Variants in PRPF31 observed in about 807,000 individuals in gnomAD.
PRPF31 encodes the protein U4/U6 small nuclear ribonucleoprotein Prp31.
In PRPF31, 12 loss-of-function variants were observed where a neutral mutation model predicts 60.4. That is an observed-to-expected ratio of 0.20 (90% CI 0.13 to 0.32). PRPF31 has a LOEUF of 0.32. Ranked by LOEUF, PRPF31 falls within the 10% of genes least tolerant of loss-of-function variation. The pLI, the probability that PRPF31 is intolerant of heterozygous loss-of-function variation, is 1.00. For synonymous variants in PRPF31, 287 were observed against 287.9 expected (o/e 1.00, Z 0.03); for missense variants, 431 against 687.1 (o/e 0.63, Z 4.17).
intron 8 of PRPF31, 66 bp from the exon 9 acceptor site, chr19:54,126,462 T>G (rs2073923045): frequency 1.3e-6 from 2 of 1,508,790 alleles, no homozygotes; most frequent in South Asian, 2.4e-5. Flanking sequence ...GCGCGCGCGG[T>G]TGCTTTGCTG....
chr19:54,123,115 T>C, intron 5 of PRPF31: 1 of 510,284 alleles, frequency 2.0e-6, no homozygotes, highest in Non-Finnish European at 3.6e-6. Flanking sequence ...AGGATTAGGA[T>C]GGCGGTGGGG....
intron 8 of PRPF31, chr19:54,124,971 G>C (rs765677329): frequency 1.9e-6 from 1 of 521,506 alleles, no homozygotes; most frequent in Non-Finnish European, 3.5e-6. Context: ...TTCAGGCCTA[G>C]CTCACGACAA....
chr19:54,130,516 T>G (rs1600365739), intron 13 of PRPF31, among the ~76,000 whole-genome samples: 3 of 152,150 alleles, frequency 2.0e-5, no homozygotes, highest in African/African-American at 7.2e-5. Context: ...TCCCAGCTAC[T>G]TGGGAGGCTG....
Position 54,121,516 on chromosome 19 carries a change from C to T in PRPF31, c.239-344C>T, listed in dbSNP as rs375397351. 1.8e-4 allele frequency among the ~76,000 whole-genome samples: 27 copies of T among 152,222 alleles called. No individual in the cohort carries two copies. The East Asian group carries it at 4.1e-3, about 23-fold the overall frequency. On this transcript the variant is annotated intron_variant, in intron 3 of 13. Transcript: ENST00000321030. ...GGTACTCGGCTGTGGGTACAGCCAA[C>T]GCAGGCACAGCACTGGTCCCTGCAG...
rs1327301412 is a variant in PRPF31 at position 54,131,690 on chromosome 19, A to G, written c.*258A>G. 3.4e-6 allele frequency: 2 copies of G among 585,090 alleles called. No individual in the cohort carries two copies. Among genetic ancestry groups the G allele is most frequent in the East Asian group, 5.8e-5 (2 of 34,750 alleles). 36.2% of individuals were successfully genotyped at this position (585,090 alleles called of 1,614,324 possible). On this transcript the variant is annotated 3_prime_UTR_variant, in exon 14 of 14. Coordinates refer to ENST00000321030, the MANE Select transcript of PRPF31 (RefSeq NM_015629.4). ...AGAAAGGAGATTTTTTGAAAAGAGT[A>G]CAATTAAAAGGACATTGTCAAGATC... is the stretch of plus-strand genomic sequence containing the variant.
At chr19:54,121,290 C>T (rs113112828) in intron 3 of PRPF31, among the ~76,000 whole-genome samples, 12 of 124,312 alleles carry the variant, frequency 9.7e-5, no homozygotes, top group Non-Finnish European at 1.5e-4. Flanking sequence ...GCAACCAGAG[C>T]GAAATTATGT....
chr19:54,118,944 A>G, intron 3 of PRPF31: 1 of 426,734 alleles, frequency 2.3e-6, no homozygotes, highest in Non-Finnish European at 4.1e-6. Context: ...CGCTTATCCT[A>G]TTATTTGCTT....
intron 12 of PRPF31, 32 bp downstream of exon 12, chr19:54,129,217 C>A: frequency 6.3e-7 from 1 of 1,597,542 alleles, no homozygotes; most frequent in Non-Finnish European, 8.5e-7. Context: ...GGCTGGGGAC[C>A]GAGGGACACA....
chr19:54,128,309 C>T lies in PRPF31; in HGVS notation c.1078C>T (p.Arg360Cys), dbSNP rs1290697753. Residue 360 changes from arginine (R) to cysteine (C), a missense_variant, in exon 11 of 14, where the codon CGC (arginine) becomes TGC (cysteine). Physicochemically the swap from Arg to Cys is radical, Grantham distance 180 (BLOSUM62 -3). Around this residue, in one of 4 missense-constraint regions of PRPF31, gnomAD observed 314 missense variants for 475.3 expected, o/e 0.66. Transcript: ENST00000321030. ...QRKKRGGRRY[R>C]KMKERLGLTE... ...CGCCCACCCACCCGTCCCCAGGTAC[C>T]GCAAGATGAAGGAGCGGCTGGGGCT... 1 of 1,547,814 alleles carries T rather than the reference C, an allele frequency of 6.5e-7. No homozygotes were observed. The highest frequency in any genetic ancestry group is 8.7e-7 in the Non-Finnish European group (1 of 1,146,380).
In PRPF31 at chr19:54,123,783, G is replaced by C. The variant is rs527236094; in HGVS notation, c.562G>C (p.Glu188Gln). 3.1e-6 allele frequency: 5 copies of C among 1,611,802 alleles called. No individual in the cohort carries two copies. The highest frequency in any genetic ancestry group is 3.3e-5 in the Admixed American group (2 of 59,970). The change falls in exon 7 of 14, where the codon GAG (glutamate) becomes CAG (glutamine). Residue 188 changes from glutamate to glutamine, a missense_variant. This residue lies in a region of PRPF31 where 314 missense variants were observed against 475.3 expected (regional missense o/e 0.66). Coordinates refer to ENST00000321030, the MANE Select transcript of PRPF31 (RefSeq NM_015629.4). Reference sequence around the variant, plus strand: ...GTCGGAGGAGGAGCTGGAGCGGCTGGAGGAGGCCTGCGACATGGCGCTGGA... The same window carrying C: ...GTCGGAGGAGGAGCTGGAGCGGCTGCAGGAGGCCTGCGACATGGCGCTGGA... Reference protein sequence around the residue: ...QLSEEELERLEEACDMALELN... With the variant: ...QLSEEELERLQEACDMALELN...
At position 54,128,998 on chromosome 19, in the gene PRPF31, C is replaced by T. The variant is rs587648096; in HGVS notation, c.1147-59C>T. On this transcript the variant is annotated intron_variant, in intron 11 of 13. Transcript: ENST00000321030. Reference sequence around the variant, plus strand: ...CTTCGGGCTGGTGGAGGGGGTGCCTCGGTGGCTGGAGGGCAGGGCCTGGTC... The same window carrying T: ...CTTCGGGCTGGTGGAGGGGGTGCCTTGGTGGCTGGAGGGCAGGGCCTGGTC... 700 of 1,517,338 alleles carry T rather than the reference C, an allele frequency of 4.6e-4. 1 individual carries two copies. The highest frequency in any genetic ancestry group is 9.9e-4 in the Middle Eastern group (5 of 5,028). 94.0% of individuals were successfully genotyped at this position (1,517,338 alleles called of 1,614,324 possible).
At chr19:54,124,460 T>C (rs1213821213) in intron 7 of PRPF31, 39 bp from the exon 8 acceptor site, 2 of 1,551,706 alleles carry the variant, frequency 1.3e-6, no homozygotes, top group African/African-American at 2.7e-5. Context: ...CTCTGCTTTC[T>C]TCTGACCGCC....
chr19:54,123,869 A>T lies in PRPF31; in HGVS notation c.648A>T (p.Ala216=). The change falls in exon 7 of 14, where the codon GCA becomes GCT. Residue 216 remains alanine (A), a synonymous_variant. Coordinates refer to ENST00000321030, the MANE Select transcript of PRPF31 (RefSeq NM_015629.4). ...TGGAGTCCCGGATGTCCTTCATCGC[A>T]CCCAACCTGTCCATCATTATCGGGG... ...EYVESRMSFI[A]PNLSIIIGAS... is the part of the protein sequence containing the mutation. The T allele has an allele frequency of 1.9e-6, 3 of 1,613,978 alleles. 1 individual carries two copies. In the South Asian group the frequency reaches 3.3e-5, roughly 18 times the overall value.
intron 8 of PRPF31, 69 bp from the exon 9 acceptor site, chr19:54,126,459 C>T (rs1446084737): frequency 8.2e-6 from 12 of 1,471,510 alleles, no homozygotes; most frequent in East Asian, 2.4e-5. Context: ...GGAGCGCGCG[C>T]GGTTGCTTTG....
At chr19:54,118,203 C>T in intron 1 of PRPF31, 68 bp from the exon 2 acceptor site, 1 of 1,609,036 alleles carries the variant, frequency 6.2e-7, no homozygotes, top group Non-Finnish European at 8.5e-7. Flanking sequence ...GGGGGAGAAT[C>T]ATCGCTCAGT....
chr19:54,118,146 G>A lies in PRPF31; in HGVS notation c.-8-125G>A, dbSNP rs1416589143. ...AACAAACTAAAGCACCTGTTGTCGT[G>A]GAGCCTGCATGCTAGTGGGGTTGAT... On this transcript the variant is annotated intron_variant, in intron 1 of 13. Coordinates refer to ENST00000321030, the MANE Select transcript of PRPF31 (RefSeq NM_015629.4). The A allele has an allele frequency of 5.2e-6, 7 of 1,353,100 alleles. No homozygotes were observed. The South Asian group carries it at 7.0e-5, about 14-fold the overall frequency. The allele number at this position is 1,353,100 out of a possible 1,614,324, so 83.8% of individuals were successfully genotyped here. A position where few individuals can be genotyped will look rare whatever the true frequency, so the allele number is the denominator to read the frequency against.
chr19:54,123,963 C>T (rs376157101), intron 7 of PRPF31, 45 bp downstream of exon 7: 5 of 1,609,614 alleles, frequency 3.1e-6, no homozygotes, highest in African/African-American at 2.7e-5. Context: ...TCTGCTGACA[C>T]TGTGACCTTG....
intron 8 of PRPF31, 70 bp from the exon 9 acceptor site, chr19:54,126,458 G>T: frequency 6.8e-7 from 1 of 1,460,426 alleles, no homozygotes; most frequent in Non-Finnish European, 9.4e-7. Context: ...AGGAGCGCGC[G>T]CGGTTGCTTT....
At chr19:54,118,659 C>G in intron 3 of PRPF31, 26 bp downstream of exon 3, 1 of 1,612,062 alleles carries the variant, frequency 6.2e-7, no homozygotes, top group Non-Finnish European at 8.5e-7. Context: ...CTGTGCCCCT[C>G]CCCATCTCCT....
Sources: gnomAD v4.1 joint callset for allele counts (sites outside exome capture counted in the v4.1 genomes callset) on GRCh38, gnomAD v4.1.1 for gene constraint, gnomAD v4.1.1 regional missense constraint, MANE v1.5 for transcripts, NCBI Gene and HGNC (gene_info 2026-07-23, HGNC 2026-07-21) for gene names.